Variants in TPTE observed in about 807,000 individuals in gnomAD.
TPTE encodes transmembrane phosphatase with tensin homology, also known as putative tyrosine-protein phosphatase TPTE.
In TPTE, 59 loss-of-function variants were observed where a neutral mutation model predicts 84.1. The observed-to-expected ratio is 0.70, with a 90% CI of 0.57 to 0.87. The LOEUF (loss-of-function observed/expected upper bound fraction) is 0.87. Ranked by LOEUF, TPTE falls within the 40% of genes least tolerant of loss-of-function variation. TPTE has a pLI of 0.00. For missense variants in TPTE, 382 were observed against 659.6 expected (o/e 0.58, Z 4.61); for synonymous variants, 130 against 223.5 (o/e 0.58, Z 3.73).
intron 1 of TPTE, among the ~76,000 whole-genome samples, chr21:10,523,760 G>A (rs1369520781): frequency 6.6e-6 from 1 of 152,424 alleles, no homozygotes; most frequent in African/African-American, 2.4e-5. Flanking sequence ...GTAAACATAC[G>A]TGTGCATGTG....
intron 21 of TPTE, among the ~76,000 whole-genome samples, chr21:10,599,279 G>T (rs12627181): frequency 0.037 from 5,161 of 139,324 alleles, no homozygotes; most frequent in East Asian, 0.11. Context: ...TGTTCTCACT[G>T]CCACTAATTG....
intron 14 of TPTE, among the ~76,000 whole-genome samples, 181 bp from the exon 15 acceptor site, chr21:10,577,279 T>C (rs2075174907): frequency 1.3e-5 from 2 of 152,172 alleles, no homozygotes; most frequent in Admixed American, 6.5e-5. Context: ...TTGTGGACTA[T>C]TTGAAAAATC....
intron 7 of TPTE, among the ~76,000 whole-genome samples, chr21:10,545,716 AATATAT>A (rs879872517): frequency 1.2e-3 from 176 of 151,986 alleles, no homozygotes; most frequent in African/African-American, 4.2e-3. Flanking sequence ...CTATATATGT[AATATAT>A]ATAGATATAT....
intron 10 of TPTE, among the ~76,000 whole-genome samples, chr21:10,567,233 G>C (rs391305): frequency 2.3e-3 from 347 of 152,006 alleles, no homozygotes; most frequent in African/African-American, 8.0e-3. Context: ...CAAAAAAATA[G>C]AATGAGTAAC....
intron 8 of TPTE, among the ~76,000 whole-genome samples, chr21:10,556,045 T>C (rs1229947262): frequency 3.9e-5 from 6 of 152,306 alleles, no homozygotes; most frequent in Non-Finnish European, 7.3e-5. Flanking sequence ...CTGCTACTTT[T>C]TTTTATTATT....
intron 7 of TPTE, among the ~76,000 whole-genome samples, chr21:10,545,730 T>C (rs1336967982): frequency 2.0e-5 from 3 of 151,838 alleles, no homozygotes; most frequent in Non-Finnish European, 4.4e-5. Flanking sequence ...TATATAGATA[T>C]ATAAATATGT....
At chr21:10,599,974 T>C (rs2075658488) in intron 21 of TPTE, among the ~76,000 whole-genome samples, 1 of 152,304 alleles carries the variant, frequency 6.6e-6, no homozygotes, top group African/African-American at 2.4e-5. Flanking sequence ...CCCCCAATTT[T>C]TTTTATTTTT....
At chr21:10,585,411 G>A (rs2145755289) in intron 17 of TPTE, among the ~76,000 whole-genome samples, 1 of 152,422 alleles carries the variant, frequency 6.6e-6, no homozygotes, top group African/African-American at 2.4e-5. Flanking sequence ...CATTGATTAA[G>A]TGGTAAACCA....
chr21:10,594,314 A>G (rs1469477656), intron 19 of TPTE, among the ~76,000 whole-genome samples: 1 of 152,312 alleles, frequency 6.6e-6, no homozygotes, highest in Non-Finnish European at 1.5e-5. Context: ...TTCAATTCTT[A>G]GAGCCCTTTG....
intron 7 of TPTE, among the ~76,000 whole-genome samples, chr21:10,544,996 A>G (rs370008125): frequency 4.4e-3 from 677 of 152,146 alleles, no homozygotes; most frequent in African/African-American, 0.016. Context: ...CATGTTTCAA[A>G]TAAATAACTG....
chr21:10,543,090 C>G (rs540362827), intron 6 of TPTE, among the ~76,000 whole-genome samples: 1 of 110,840 alleles, frequency 9.0e-6, no homozygotes, highest in Non-Finnish European at 1.6e-5. Context: ...ACTGCAGTGG[C>G]GCAATCTCGG....
chr21:10,535,813 A>C (rs1341002736), intron 3 of TPTE, among the ~76,000 whole-genome samples: 1 of 152,312 alleles, frequency 6.6e-6, no homozygotes, highest in Non-Finnish European at 1.5e-5. Flanking sequence ...CAAACCCACA[A>C]TCATTTTGTA....
At chr21:10,524,985 A>G (rs1300309454) in intron 2 of TPTE, among the ~76,000 whole-genome samples, 1 of 152,308 alleles carries the variant, frequency 6.6e-6, no homozygotes, top group African/African-American at 2.4e-5. Context: ...CATTTTAGGC[A>G]GTGTGATAAT....
rs779926150 is a variant in TPTE at position 10,538,722 on chromosome 21, G to A, written c.-2G>A. 2.8e-5 allele frequency: 45 copies of A among 1,613,926 alleles called. No homozygotes were observed. Among genetic ancestry groups the A allele is most frequent in the Admixed American group, 1.7e-4 (10 of 60,000 alleles). On this transcript the variant is annotated 5_prime_UTR_variant, in exon 4 of 24. Transcript: ENST00000618007. ...TTATCAGGAGTGAACCCAGAGGCAC[G>A]TATGAATGAAAGGTGAGTTATGCGT...
At chr21:10,589,221 A>C (rs212152) in intron 17 of TPTE, among the ~76,000 whole-genome samples, 3 of 152,178 alleles carry the variant, frequency 2.0e-5, no homozygotes, top group African/African-American at 7.2e-5. Context: ...TTCTCCCTAG[A>C]GGGTGTGACT....
chr21:10,570,102 G>A (rs2075012013), intron 13 of TPTE, among the ~76,000 whole-genome samples: 1 of 152,308 alleles, frequency 6.6e-6, no homozygotes, highest in Non-Finnish European at 1.5e-5. Context: ...GTAGATCTCA[G>A]GTTTTCTGAG....
At position 10,538,809 on chromosome 21, in the gene TPTE, TAAAC is replaced by T. The variant is rs1180434745; in HGVS notation, c.11+79_11+82del. ...AGAAGTATTCACAGACACAGGCACA[TAAAC>T]AAATATATCCATCCATCCATCCATG... is the stretch of plus-strand genomic sequence containing the variant. On this transcript the variant is annotated intron_variant, in intron 4 of 23. Coordinates refer to ENST00000618007, the MANE Select transcript of TPTE (RefSeq NM_199261.4). 25 of 1,613,600 alleles carry T rather than the reference TAAAC, an allele frequency of 1.5e-5. No homozygotes were observed. In the East Asian group the frequency reaches 2.0e-4, roughly 13 times the overall value.
At chr21:10,550,752 A>T (rs960693810) in intron 7 of TPTE, among the ~76,000 whole-genome samples, 1 of 152,308 alleles carries the variant, frequency 6.6e-6, no homozygotes, top group Non-Finnish European at 1.5e-5. Flanking sequence ...AAATGGACAT[A>T]AATAACAAAC....
rs2074572909 is a variant in TPTE, at chr21:10,551,491, C to A, written c.174-1166C>A. ...TGGATCAAAAAAACTAGAAAACTTT[C>A]AAATAAACCACTGAACAATTCTACC... On this transcript the variant is annotated intron_variant, in intron 7 of 23. Coordinates refer to ENST00000618007, the MANE Select transcript of TPTE (RefSeq NM_199261.4). 2.0e-5 allele frequency among the ~76,000 whole-genome samples: 3 copies of A among 152,412 alleles called. No homozygotes were observed. In the South Asian group the frequency reaches 6.2e-4, roughly 32 times the overall value.
Sources: gnomAD v4.1 joint callset for allele counts (sites outside exome capture counted in the v4.1 genomes callset) on GRCh38, gnomAD v4.1.1 for gene constraint, MANE v1.5 for transcripts, NCBI Gene and HGNC (gene_info 2026-07-23, HGNC 2026-07-21) for gene names.